The following THSD7B variants were observed in gnomAD, a reference collection of about 807,000 sequenced individuals.
THSD7B encodes thrombospondin type 1 domain containing 7B, also known as thrombospondin type-1 domain-containing protein 7B.
Under a neutral mutation model 213.6 loss-of-function variants are expected in THSD7B, and 138 were observed. The observed-to-expected ratio is 0.65, with a 90% CI of 0.56 to 0.74. The LOEUF (loss-of-function observed/expected upper bound fraction) is 0.74. Among genes scored for constraint, THSD7B ranks in the 30% least tolerant of loss-of-function variants. The pLI is 0.00. For synonymous variants in THSD7B, 742 were observed against 687.0 expected (o/e 1.08, Z -1.25); for missense variants, 1,931 against 1,991.5 (o/e 0.97, Z 0.58).
chr2:136,850,803 T>A (rs1317973866), intron 1 of THSD7B, among the ~76,000 whole-genome samples: 2 of 152,028 alleles, frequency 1.3e-5, no homozygotes, highest in South Asian at 4.1e-4. Context: ...ATTGCTTATG[T>A]CCTACATTTT....
At chr2:137,115,450 C>G (rs775831637) in intron 5 of THSD7B, among the ~76,000 whole-genome samples, 157 bp downstream of exon 5, 7 of 152,126 alleles carry the variant, frequency 4.6e-5, no homozygotes, top group Non-Finnish European at 1.0e-4. Context: ...AGTTCTTCCA[C>G]TTGTAACACT....
chr2:137,013,505 A>G (rs947967784), intron 2 of THSD7B, among the ~76,000 whole-genome samples: 2 of 152,198 alleles, frequency 1.3e-5, no homozygotes, highest in African/African-American at 4.8e-5. Context: ...GAAGTTCCAG[A>G]GGTGGGCAGA....
At chr2:136,806,009 C>A (rs563527387) in intron 1 of THSD7B, among the ~76,000 whole-genome samples, 12 of 152,316 alleles carry the variant, frequency 7.9e-5, no homozygotes, top group African/African-American at 2.6e-4. Context: ...GGACCTTACA[C>A]TGCTGTTGTC....
intron 1 of THSD7B, among the ~76,000 whole-genome samples, chr2:136,840,999 C>T (rs902389029): frequency 5.9e-5 from 9 of 152,142 alleles, no homozygotes; most frequent in African/African-American, 1.9e-4. Context: ...GCTTCCTATA[C>T]TATCATCAGT....
chr2:137,170,888 A>C lies in THSD7B; in HGVS notation c.1673A>C (p.Lys558Thr). 3 of 1,613,478 alleles carry C rather than the reference A, an allele frequency of 1.9e-6. No individual in the cohort carries two copies. Among genetic ancestry groups the C allele is most frequent in the Non-Finnish European group, 2.5e-6 (3 of 1,179,768 alleles). The part of the protein sequence containing the change: ...SEGICFPDHG[K>T]CGLGHRILKA... The stretch of plus-strand genomic sequence containing the variant: ...GGGATCTGTTTCCCTGATCATGGAA[A>C]ATGTGGCCTGGGACATCGTATTCTG... Residue 558 changes from lysine (K) to threonine (T), a missense_variant, in exon 7 of 28, where the codon AAA becomes ACA. Lys to Thr is a moderately conservative substitution (Grantham distance 78). Coordinates refer to ENST00000409968, the MANE Select transcript of THSD7B (RefSeq NM_001316349.2).
At position 136,961,119 on chromosome 2, in the gene THSD7B, T is replaced by C. The variant is rs574893943; in HGVS notation, c.139+78802T>C. Among the ~76,000 whole-genome samples, 19 of 129,350 alleles carry C rather than the reference T, an allele frequency of 1.5e-4. No homozygotes were observed. In the Admixed American group the frequency reaches 1.5e-3, roughly 10 times the overall value. The allele number at this position is 129,350 out of a possible 152,430, so 84.9% of individuals were successfully genotyped here. On this transcript the variant is annotated intron_variant, in intron 2 of 27. Transcript: ENST00000409968. ...AAAAAAAAAAAAAAAAAAGAGAAAA[T>C]GTGAGACTGGGCAGATTTTAGAAAG...
At chr2:136,803,848 A>G (rs548980063) in intron 1 of THSD7B, among the ~76,000 whole-genome samples, 1 of 152,270 alleles carries the variant, frequency 6.6e-6, no homozygotes, top group African/African-American at 2.4e-5. Context: ...CCAGTGTGGG[A>G]GGGCAAGAGA....
chr2:137,169,434 G>A (rs1157934596), intron 6 of THSD7B, among the ~76,000 whole-genome samples: 2 of 151,882 alleles, frequency 1.3e-5, no homozygotes, highest in African/African-American at 4.8e-5. Flanking sequence ...CTTGAGGTGT[G>A]TAACTTTTTC....
At chr2:137,536,685 A>G (rs1468290920) in intron 15 of THSD7B, among the ~76,000 whole-genome samples, 2 of 151,682 alleles carry the variant, frequency 1.3e-5, no homozygotes, top group Admixed American at 6.6e-5. Flanking sequence ...TTAAAAAAAA[A>G]AGACAAAGAA....
intron 5 of THSD7B, among the ~76,000 whole-genome samples, chr2:137,142,727 A>T (rs1287771132): frequency 6.6e-6 from 1 of 152,080 alleles, no homozygotes; most frequent in Non-Finnish European, 1.5e-5. Flanking sequence ...GTTCACTGTT[A>T]TCTTTGCCTT....
chr2:137,603,444 G>T (rs905015811), intron 17 of THSD7B, among the ~76,000 whole-genome samples: 5 of 152,104 alleles, frequency 3.3e-5, no homozygotes, highest in African/African-American at 7.2e-5. Flanking sequence ...GGATGGTTTT[G>T]ACATTGGAAC....
chr2:137,080,859 C>G (rs1016935001), intron 3 of THSD7B, among the ~76,000 whole-genome samples: 1 of 152,020 alleles, frequency 6.6e-6, no homozygotes, highest in African/African-American at 2.4e-5. Context: ...AGTCATTTTG[C>G]CAAAGATTTC....
intron 2 of THSD7B, among the ~76,000 whole-genome samples, chr2:136,903,040 C>T (rs78180877): frequency 0.012 from 1,860 of 152,314 alleles, 49 homozygotes; most frequent in African/African-American, 0.043. Context: ...CCTGCTGTGC[C>T]TCAGTGTTCT....
chr2:137,462,258 T>C (rs1027307387), intron 15 of THSD7B, among the ~76,000 whole-genome samples: 1 of 152,012 alleles, frequency 6.6e-6, no homozygotes, highest in Non-Finnish European at 1.5e-5. Context: ...GTTATCAGAT[T>C]GAGGAAGAAA....
At chr2:137,270,371 G>T (rs1222286084) in intron 10 of THSD7B, among the ~76,000 whole-genome samples, 2 of 152,152 alleles carry the variant, frequency 1.3e-5, no homozygotes, top group Non-Finnish European at 2.9e-5. Context: ...GGAACAGATG[G>T]AAAAGATCCT....
chr2:136,927,107 T>C (rs1684546939), intron 2 of THSD7B, among the ~76,000 whole-genome samples: 2 of 152,174 alleles, frequency 1.3e-5, no homozygotes, highest in African/African-American at 4.8e-5. Flanking sequence ...ATATATTCTG[T>C]CTTCTATCAC....
At chr2:137,019,369 T>C (rs1686399357) in intron 2 of THSD7B, among the ~76,000 whole-genome samples, 1 of 152,230 alleles carries the variant, frequency 6.6e-6, no homozygotes, top group Non-Finnish European at 1.5e-5. Context: ...ACTGACCACA[T>C]GGAGTGATCA....
At chr2:137,495,681 C>T (rs1456890463) in intron 15 of THSD7B, among the ~76,000 whole-genome samples, 3 of 152,166 alleles carry the variant, frequency 2.0e-5, no homozygotes, top group African/African-American at 7.2e-5. Flanking sequence ...CTCTCAGCCT[C>T]TCCAAATTCC....
intron 12 of THSD7B, among the ~76,000 whole-genome samples, chr2:137,341,035 A>G (rs1684750213): frequency 6.9e-6 from 1 of 145,430 alleles, no homozygotes; most frequent in South Asian, 2.1e-4. Flanking sequence ...AATAGCTGTA[A>G]TACTATAATT....
Sources: gnomAD v4.1 joint callset for allele counts (sites outside exome capture counted in the v4.1 genomes callset) on GRCh38, gnomAD v4.1.1 for gene constraint, MANE v1.5 for transcripts, NCBI Gene and HGNC (gene_info 2026-07-23, HGNC 2026-07-21) for gene names.